The following XXYLT1 variants were observed in gnomAD, a reference collection of about 807,000 sequenced individuals.
XXYLT1 encodes the protein xyloside xylosyltransferase 1.
Under a neutral mutation model 28.9 loss-of-function variants are expected in XXYLT1, and 20 were observed. The ratio of observed to expected loss-of-function variants is 0.69; its 90% CI spans 0.49 to 1.00. The LOEUF (loss-of-function observed/expected upper bound fraction) is 1.00. Ranked by LOEUF, XXYLT1 falls within the 50% of genes least tolerant of loss-of-function variation. The pLI is 0.00. For synonymous variants in XXYLT1, 257 were observed against 253.8 expected, an observed-to-expected ratio of 1.01 and a Z score of -0.12; for missense variants, 542 against 560.1, an observed-to-expected ratio of 0.97 and a Z score of 0.33.
chr3:195,235,921 C>G (rs1577180819), intron 1 of XXYLT1, among the ~76,000 whole-genome samples: 1 of 147,314 alleles, frequency 6.8e-6, no homozygotes, highest in African/African-American at 2.7e-5. Context: ...TAGACATAGA[C>G]ATAGACATAG....
intron 3 of XXYLT1, among the ~76,000 whole-genome samples, chr3:195,110,199 A>G (rs1227148950): frequency 6.8e-3 from 36 of 5,328 alleles, no homozygotes; most frequent in South Asian, 0.013. Context: ...GGTGAGGTGT[A>G]TGTGTGGTGT....
intron 2 of XXYLT1, among the ~76,000 whole-genome samples, chr3:195,166,488 A>C (rs1313708949): frequency 2.0e-5 from 3 of 152,232 alleles, no homozygotes; most frequent in Non-Finnish European, 4.4e-5. Flanking sequence ...AAGTCAGGAC[A>C]CTAGCAGTAA....
At chr3:195,104,940 T>G (rs1717004866) in intron 3 of XXYLT1, among the ~76,000 whole-genome samples, 1 of 152,202 alleles carries the variant, frequency 6.6e-6, no homozygotes, top group South Asian at 2.1e-4. Flanking sequence ...AGAATCACTT[T>G]GGGTACATGG....
At chr3:195,165,568 C>T (rs1228404159) in intron 2 of XXYLT1, among the ~76,000 whole-genome samples, 3 of 152,166 alleles carry the variant, frequency 2.0e-5, no homozygotes, top group Non-Finnish European at 4.4e-5. Context: ...ACCTCTCTGA[C>T]CTTTTCTAGC....
chr3:195,192,861 T>C (rs957831183), intron 2 of XXYLT1, among the ~76,000 whole-genome samples: 1 of 152,198 alleles, frequency 6.6e-6, no homozygotes, highest in Non-Finnish European at 1.5e-5. Context: ...TATTTACAGA[T>C]GACATAATCC....
intron 2 of XXYLT1, among the ~76,000 whole-genome samples, chr3:195,208,916 A>G (rs1180051478): frequency 2.6e-5 from 4 of 152,200 alleles, no homozygotes; most frequent in African/African-American, 7.2e-5. Flanking sequence ...TCAGCTCACA[A>G]TCAGAAGCTC....
At chr3:195,110,900 TGA>T (rs1717669349) in intron 3 of XXYLT1, among the ~76,000 whole-genome samples, 1 of 37,700 alleles carries the variant, frequency 2.7e-5, no homozygotes, top group South Asian at 8.9e-4. Context: ...TGTGTGTGGG[TGA>T]GGTGTGTGGT....
At chr3:195,213,094 A>G (rs1401612260) in intron 2 of XXYLT1, among the ~76,000 whole-genome samples, 4 of 152,212 alleles carry the variant, frequency 2.6e-5, no homozygotes, top group South Asian at 2.1e-4. Context: ...GTGAATAATT[A>G]AAATGGCACA....
At position 195,229,041 on chromosome 3, in the gene XXYLT1, G is replaced by A. The variant is rs527460984; in HGVS notation, c.505-2185C>T. On this transcript the variant is annotated intron_variant, in intron 1 of 3. Transcript: ENST00000310380. ...TTGGCTAGGCTGGTCTCGAACTCCT[G>A]ACCTCAGGTGATCCACCCACCTCAG... Among the ~76,000 whole-genome samples, 3 of 152,024 alleles carry A rather than the reference G, an allele frequency of 2.0e-5. No individual in the cohort carries two copies. In the East Asian group the frequency reaches 5.8e-4, roughly 29 times the overall value.
chr3:195,245,155 G>GA (rs1183622174), intron 1 of XXYLT1, among the ~76,000 whole-genome samples: 60 of 147,130 alleles, frequency 4.1e-4, no homozygotes, highest in Non-Finnish European at 8.4e-4. Flanking sequence ...TGTAGCCCAA[G>GA]AAAATTTTTT....
chr3:195,228,104 G>A (rs988798924), intron 1 of XXYLT1, among the ~76,000 whole-genome samples: 13 of 152,294 alleles, frequency 8.5e-5, no homozygotes, highest in East Asian at 7.7e-4. Flanking sequence ...TTCTGCAAGC[G>A]CCACCTCCCG....
intron 3 of XXYLT1, among the ~76,000 whole-genome samples, chr3:195,142,757 C>T (rs1247239673): frequency 6.6e-6 from 1 of 152,222 alleles, no homozygotes; most frequent in Admixed American, 6.5e-5. Context: ...GCGGCCAGCC[C>T]GCCCAGGCTT....
chr3:195,093,695 A>T (rs1716246683), intron 3 of XXYLT1: 1 of 151,654 alleles, frequency 6.6e-6, no homozygotes, highest in African/African-American at 2.4e-5. Context: ...AAATAAAAAT[A>T]AATAAATAAA....
chr3:195,253,742 G>A (rs59579668), intron 1 of XXYLT1, among the ~76,000 whole-genome samples: 3 of 151,654 alleles, frequency 2.0e-5, no homozygotes, highest in African/African-American at 7.3e-5. Flanking sequence ...CAGGTGATCC[G>A]CCCGCCTCGG....
At chr3:195,216,589 A>G (rs1248747684) in intron 2 of XXYLT1, among the ~76,000 whole-genome samples, 1 of 149,060 alleles carries the variant, frequency 6.7e-6, no homozygotes, top group Non-Finnish European at 1.5e-5. Context: ...CTCGACACAT[A>G]CACTCTCCCA....
intron 3 of XXYLT1, among the ~76,000 whole-genome samples, chr3:195,134,864 T>TGCGCGC (rs1387321527): frequency 3.2e-5 from 3 of 93,124 alleles, no homozygotes; most frequent in African/African-American, 1.5e-4. Flanking sequence ...TGTGTGTGTG[T>TGCGCGC]GTGTGCGTGT....
At chr3:195,156,699 G>A (rs1720613977) in intron 2 of XXYLT1, 118 bp from the exon 3 acceptor site, 1 of 1,318,798 alleles carries the variant, frequency 7.6e-7, no homozygotes, top group Admixed American at 2.3e-5. Context: ...TGTTGTCAGT[G>A]AATGATGCAC....
At chr3:195,109,500 C>CGTGTGTGGTGTATGAGTGTGCAT (rs1560099504) in intron 3 of XXYLT1, among the ~76,000 whole-genome samples, 1 of 144,978 alleles carries the variant, frequency 6.9e-6, no homozygotes, top group South Asian at 2.2e-4. Context: ...GGTATGTGTA[C>CGTGTGTGGTGTATGAGTGTGCAT]GTGTGTGGTG....
intron 3 of XXYLT1, among the ~76,000 whole-genome samples, chr3:195,134,887 G>GCGTGCT (rs1719112794): frequency 6.7e-6 from 1 of 148,622 alleles, no homozygotes; most frequent in African/African-American, 2.5e-5. Flanking sequence ...GCGCGTGCGC[G>GCGTGCT]CACGTGCAAA....
Sources: allele counts gnomAD v4.1 joint callset (sites outside exome capture counted in the v4.1 genomes callset), GRCh38; gene constraint gnomAD v4.1.1; transcripts MANE v1.5; gene names NCBI Gene and HGNC (gene_info 2026-07-23, HGNC 2026-07-21).